MYO16: variants seen among roughly 807,000 people sequenced by gnomAD.
MYO16 encodes unconventional myosin-XVI.
A neutral mutation model predicts 205.3 loss-of-function variants in MYO16; 94 were observed. That is an observed-to-expected ratio of 0.46 (90% CI 0.39 to 0.54). The LOEUF (loss-of-function observed/expected upper bound fraction) is 0.54. MYO16 is among the 20% of genes least tolerant of loss of function. MYO16 has a pLI of 0.00. For synonymous variants in MYO16, 988 were observed against 954.0 expected, an observed-to-expected ratio of 1.04 and a Z score of -0.66; for missense variants, 2,315 against 2,387.5, an observed-to-expected ratio of 0.97 and a Z score of 0.63.
intron 2 of MYO16, among the ~76,000 whole-genome samples, chr13:108,676,057 A>G (rs1177303109): frequency 1.3e-5 from 2 of 152,190 alleles, no homozygotes; most frequent in Non-Finnish European, 2.9e-5. Flanking sequence ...GAATTAAGAG[A>G]TATTATCAGA....
intron 16 of MYO16, among the ~76,000 whole-genome samples, chr13:108,954,607 C>T (rs1883277456): frequency 6.6e-6 from 1 of 151,874 alleles, no homozygotes; most frequent in Non-Finnish European, 1.5e-5. Flanking sequence ...CCAGGCGTGG[C>T]GACATGTGCC....
At chr13:108,779,953 T>G (rs1038728450) in intron 4 of MYO16, 6 of 152,094 alleles carry the variant, frequency 3.9e-5, no homozygotes, top group African/African-American at 1.4e-4. Flanking sequence ...GAGCCTGAAA[T>G]CATTTATTTC....
At chr13:109,181,838 GA>G (rs1879468570) in intron 34 of MYO16, among the ~76,000 whole-genome samples, 1 of 134,578 alleles carries the variant, frequency 7.4e-6, no homozygotes, top group Non-Finnish European at 1.5e-5. Flanking sequence ...TTTTTTTTTT[GA>G]GACAGAGTTT....
intron 27 of MYO16, among the ~76,000 whole-genome samples, chr13:109,071,144 T>A (rs999621723): frequency 3.3e-5 from 5 of 152,056 alleles, no homozygotes; most frequent in African/African-American, 4.8e-5. Flanking sequence ...AAATCCATAT[T>A]TTTTTAAAAA....
intron 4 of MYO16, among the ~76,000 whole-genome samples, chr13:108,745,935 C>T (rs1885046427): frequency 1.3e-5 from 2 of 152,228 alleles, no homozygotes; most frequent in South Asian, 2.1e-4. Flanking sequence ...CGCCTGTAAT[C>T]CCAGCACTTT....
Position 108,987,205 on chromosome 13 carries a change from A to G in MYO16, c.2370-5171A>G, listed in dbSNP as rs191176152. Among the ~76,000 whole-genome samples the G allele has an allele frequency of 4.6e-5, 7 of 152,332 alleles. No homozygotes were observed. The East Asian group carries it at 1.4e-3, about 29-fold the overall frequency. ...GCTAGTTTGTACAATACCATATAGAATAGAGAAGGCCGGACGGCCTCTCTG... is the reference window on the plus strand; with the variant it reads ...GCTAGTTTGTACAATACCATATAGAGTAGAGAAGGCCGGACGGCCTCTCTG... On this transcript the variant is annotated intron_variant, in intron 20 of 34. Transcript: ENST00000457511.
chr13:108,951,062 C>G (rs1207921920), intron 16 of MYO16, among the ~76,000 whole-genome samples: 1 of 151,154 alleles, frequency 6.6e-6, no homozygotes, highest in Admixed American at 6.6e-5. Context: ...TTGTTTTTTA[C>G]TTTAAGTTCT....
intron 16 of MYO16, among the ~76,000 whole-genome samples, chr13:108,912,829 G>A (rs1881325870): frequency 1.3e-5 from 2 of 152,100 alleles, no homozygotes. Context: ...GTGTCTATGT[G>A]TGTGTGTCTG....
intron 4 of MYO16, among the ~76,000 whole-genome samples, chr13:108,737,289 G>C (rs952049186): frequency 6.6e-5 from 10 of 151,926 alleles, no homozygotes; most frequent in Non-Finnish European, 1.3e-4. Context: ...ATAAATAGCT[G>C]TTATTATTTT....
At chr13:108,803,996 G>A (rs1215022777) in intron 6 of MYO16, among the ~76,000 whole-genome samples, 1 of 152,162 alleles carries the variant, frequency 6.6e-6, no homozygotes, top group Non-Finnish European at 1.5e-5. Context: ...GTATGTTAGT[G>A]TTATCCTTGT....
At chr13:108,966,949 G>T (rs556982834) in intron 20 of MYO16, among the ~76,000 whole-genome samples, 9 of 152,072 alleles carry the variant, frequency 5.9e-5, no homozygotes, top group Admixed American at 5.2e-4. Flanking sequence ...TGTCAAAAAA[G>T]ATTATATAAA....
chr13:109,125,312 A>G lies in MYO16; in HGVS notation c.3736A>G (p.Lys1246Glu). Residue 1246 changes from lysine to glutamate, a missense_variant, in exon 30 of 35, where the codon AAA becomes GAA. This residue lies in a region of MYO16 where 1,097 missense variants were observed against 1,092.0 expected (regional missense o/e 1.00). Coordinates refer to ENST00000457511, the MANE Select transcript of MYO16 (RefSeq NM_001198950.3). The surrounding 1 kb of genome is among the most constrained non-coding windows in gnomAD (Gnocchi z 4.0). Reference sequence around the variant, plus strand: ...TAGTGAAATGAACGCTCCCTACCATAAAGAGAAGTTAGAGGTCAGGAACAT... The same window carrying G: ...TAGTGAAATGAACGCTCCCTACCATGAAGAGAAGTTAGAGGTCAGGAACAT... ...LRSEMNAPYH[K>E]EKLEVRNMQE... The G allele has an allele frequency of 6.2e-7, 1 of 1,614,176 alleles. No individual in the cohort carries two copies. The highest frequency in any genetic ancestry group is 8.5e-7 in the Non-Finnish European group (1 of 1,180,020).
chr13:108,702,681 T>C (rs1883356952), intron 2 of MYO16, among the ~76,000 whole-genome samples: 1 of 152,178 alleles, frequency 6.6e-6, no homozygotes, highest in Non-Finnish European at 1.5e-5. Flanking sequence ...TTTTTAATTA[T>C]ATTTAAAACA....
At chr13:108,675,955 T>C (rs1882185873) in intron 2 of MYO16, among the ~76,000 whole-genome samples, 1 of 152,132 alleles carries the variant, frequency 6.6e-6, no homozygotes, top group South Asian at 2.1e-4. Flanking sequence ...CTCGTGAAGG[T>C]TAGTTGGTTA....
At chr13:108,796,800 G>A (rs1322823221) in intron 6 of MYO16, among the ~76,000 whole-genome samples, 1 of 140,086 alleles carries the variant, frequency 7.1e-6, no homozygotes, top group Non-Finnish European at 1.5e-5. Context: ...ATAGCATTAG[G>A]AGATATACCT....
intron 5 of MYO16, among the ~76,000 whole-genome samples, chr13:108,788,010 G>T (rs914146968): frequency 6.6e-6 from 1 of 152,098 alleles, no homozygotes; most frequent in Non-Finnish European, 1.5e-5. Context: ...AGCATGGGCT[G>T]ATGTCTTTAG....
At chr13:109,022,449 TTATA>T (rs570495543) in intron 23 of MYO16, among the ~76,000 whole-genome samples, 4,365 of 129,272 alleles carry the variant, frequency 0.034, 77 homozygotes, top group African/African-American at 0.046. Flanking sequence ...TATATTTATG[TTATA>T]TATACAATAT....
At chr13:108,564,673 A>G in the MYO16 span, among the ~76,000 whole-genome samples, 1 of 151,990 alleles carries the variant, frequency 6.6e-6, no homozygotes, top group South Asian at 2.1e-4. Context: ...CTATTTGCCC[A>G]TTTTTGCTTT....
chr13:109,078,333 G>C (rs1395361448), intron 27 of MYO16, among the ~76,000 whole-genome samples: 1 of 151,984 alleles, frequency 6.6e-6, no homozygotes, highest in Admixed American at 6.6e-5. Context: ...CAGCTATTCA[G>C]GAGGCTGAGG....
Sources: allele counts gnomAD v4.1 joint callset (sites outside exome capture counted in the v4.1 genomes callset), GRCh38; gene constraint gnomAD v4.1.1; regional missense constraint gnomAD v4.1.1; non-coding constraint Gnocchi (gnomAD v3.1); transcripts MANE v1.5; gene names NCBI Gene and HGNC (gene_info 2026-07-23, HGNC 2026-07-21).